Variants in IMMP2L observed in about 807,000 individuals in gnomAD.
The protein encoded by IMMP2L is inner mitochondrial membrane peptidase subunit 2.
Under a neutral mutation model 19.3 loss-of-function variants are expected in IMMP2L, and 18 were observed. The ratio of observed to expected loss-of-function variants is 0.93; its 90% CI spans 0.64 to 1.38. The LOEUF (loss-of-function observed/expected upper bound fraction) is 1.38. Ranked by LOEUF, IMMP2L falls within the 40% of genes most tolerant of loss-of-function variation. The pLI is 0.00. For missense variants in IMMP2L, 233 were observed against 218.2 expected (o/e 1.07, Z -0.43); for synonymous variants, 76 against 73.0 (o/e 1.04, Z -0.21).
At chr7:110,764,904 A>G (rs764836126) in intron 5 of IMMP2L, among the ~76,000 whole-genome samples, 3 of 152,098 alleles carry the variant, frequency 2.0e-5, no homozygotes, top group Non-Finnish European at 4.4e-5. Flanking sequence ...AACATTAAAA[A>G]CTAGTTAATG....
chr7:110,893,885 A>C (rs1048863892), intron 4 of IMMP2L, among the ~76,000 whole-genome samples: 1 of 151,120 alleles, frequency 6.6e-6, no homozygotes, highest in African/African-American at 2.4e-5. Context: ...CTTTTCCCCC[A>C]CCTCCTACTC....
intron 5 of IMMP2L, among the ~76,000 whole-genome samples, chr7:110,675,470 G>T (rs897430731): frequency 6.6e-6 from 1 of 152,112 alleles, no homozygotes; most frequent in Non-Finnish European, 1.5e-5. Flanking sequence ...CTGCAAGGTT[G>T]TCGCATCAGA....
chr7:110,878,083 C>A (rs571653067), intron 5 of IMMP2L, among the ~76,000 whole-genome samples: 2 of 151,988 alleles, frequency 1.3e-5, no homozygotes, highest in South Asian at 2.1e-4. Context: ...TTCTTGTACA[C>A]TCAGTATCAT....
chr7:111,459,490 A>C (rs1351089805), intron 3 of IMMP2L, among the ~76,000 whole-genome samples: 1 of 152,150 alleles, frequency 6.6e-6, no homozygotes, highest in African/African-American at 2.4e-5. Flanking sequence ...CTATGAAAGT[A>C]CTTACAAATG....
chr7:111,314,082 T>C (rs746201561), intron 3 of IMMP2L, among the ~76,000 whole-genome samples: 1 of 152,132 alleles, frequency 6.6e-6, no homozygotes, highest in East Asian at 1.9e-4. Flanking sequence ...TAGAAGCAGA[T>C]GCTGCTATGC....
chr7:111,097,965 A>C (rs1389440991), intron 3 of IMMP2L, among the ~76,000 whole-genome samples: 2 of 151,874 alleles, frequency 1.3e-5, no homozygotes, highest in African/African-American at 4.8e-5. Flanking sequence ...AGATAGAGCA[A>C]GCGAAAAGAG....
intron 3 of IMMP2L, among the ~76,000 whole-genome samples, chr7:111,017,897 A>G (rs539735062): frequency 6.6e-6 from 1 of 152,232 alleles, no homozygotes; most frequent in Admixed American, 6.5e-5. Flanking sequence ...ATAAAAATAA[A>G]TCATTTTGAA....
intron 2 of IMMP2L, among the ~76,000 whole-genome samples, chr7:111,505,363 T>C (rs1295031668): frequency 6.6e-6 from 1 of 151,648 alleles, no homozygotes; most frequent in African/African-American, 2.4e-5. Context: ...GGAACACTTT[T>C]ACACTGTTGG....
At chr7:111,476,785 T>G (rs866537649) in intron 3 of IMMP2L, among the ~76,000 whole-genome samples, 7 of 152,302 alleles carry the variant, frequency 4.6e-5, no homozygotes, top group Middle Eastern at 3.4e-3. Flanking sequence ...TGTAACAATG[T>G]GTTGCATCCT....
chr7:111,345,857 C>A lies in IMMP2L; in HGVS notation c.239+141381G>T, dbSNP rs188921947. Among the ~76,000 whole-genome samples, 183 of 152,258 alleles carry A rather than the reference C, an allele frequency of 1.2e-3. 1 individual carries two copies. Among genetic ancestry groups the A allele is most frequent in the African/African-American group, 4.1e-3 (172 of 41,548 alleles). On this transcript the variant is annotated intron_variant, in intron 3 of 5. Transcript: ENST00000405709. ...ATTGAGTGAAAAACCTACCTAAACT[C>A]TTTAATATACACCCATGTGGCTATG...
At chr7:111,485,252 A>G (rs567541102) in intron 3 of IMMP2L, among the ~76,000 whole-genome samples, 1 of 152,270 alleles carries the variant, frequency 6.6e-6, no homozygotes, top group South Asian at 2.1e-4. Context: ...CAAGCACATG[A>G]AAGTTTGTGT....
chr7:110,930,695 G>A (rs1184668258), intron 4 of IMMP2L, among the ~76,000 whole-genome samples: 3 of 152,046 alleles, frequency 2.0e-5, no homozygotes, highest in Non-Finnish European at 2.9e-5. Context: ...CATAGAAGAT[G>A]GTAGAATTGC....
chr7:110,767,676 T>G (rs1798756137), intron 5 of IMMP2L, among the ~76,000 whole-genome samples: 1 of 152,202 alleles, frequency 6.6e-6, no homozygotes. Context: ...AATGTTATTC[T>G]CTTGATGCAA....
intron 5 of IMMP2L, among the ~76,000 whole-genome samples, chr7:110,756,103 T>C (rs556027809): frequency 6.6e-6 from 1 of 152,172 alleles, no homozygotes; most frequent in Admixed American, 6.6e-5. Flanking sequence ...GGGACCACTG[T>C]TAAAATCTAG....
At chr7:111,052,642 T>C (rs898341920) in intron 3 of IMMP2L, among the ~76,000 whole-genome samples, 1 of 152,158 alleles carries the variant, frequency 6.6e-6, no homozygotes, top group African/African-American at 2.4e-5. Context: ...CCAACCACCT[T>C]GGGCATATGT....
intron 3 of IMMP2L, among the ~76,000 whole-genome samples, chr7:111,163,481 C>A (rs1805486982): frequency 6.6e-6 from 1 of 152,054 alleles, no homozygotes; most frequent in South Asian, 2.1e-4. Flanking sequence ...CCTTGACACT[C>A]TGAAAAAAAG....
chr7:110,747,554 T>C (rs564574635), intron 5 of IMMP2L, among the ~76,000 whole-genome samples: 1 of 152,256 alleles, frequency 6.6e-6, no homozygotes, highest in East Asian at 1.9e-4. Context: ...TCCACCACGA[T>C]CAAGGTGGCT....
chr7:110,783,541 A>C (rs182453605), intron 5 of IMMP2L, among the ~76,000 whole-genome samples: 13 of 152,038 alleles, frequency 8.6e-5, no homozygotes, highest in Non-Finnish European at 1.6e-4. Context: ...CAGTCTGATA[A>C]TTAGAACAAA....
intron 1 of IMMP2L, among the ~76,000 whole-genome samples, chr7:111,555,570 A>G (rs573257457): frequency 4.6e-4 from 70 of 152,244 alleles, no homozygotes; most frequent in African/African-American, 1.7e-3. Flanking sequence ...CTCTCAAAAA[A>G]TAAAATCTGA....
Sources: allele counts gnomAD v4.1 joint callset (sites outside exome capture counted in the v4.1 genomes callset), GRCh38; gene constraint gnomAD v4.1.1; transcripts MANE v1.5; gene names NCBI Gene and HGNC (gene_info 2026-07-23, HGNC 2026-07-21).